Variants in TMPRSS6 observed in about 807,000 individuals in gnomAD.
TMPRSS6 encodes transmembrane serine protease 6, also known as transmembrane protease serine 6.
In TMPRSS6, 67 loss-of-function variants were observed where a neutral mutation model predicts 101.5. The ratio of observed to expected loss-of-function variants is 0.66; its 90% CI spans 0.54 to 0.81. The LOEUF (loss-of-function observed/expected upper bound fraction) is 0.81. TMPRSS6 is among the 30% of genes least tolerant of loss of function. TMPRSS6 has a pLI of 0.00. For missense variants in TMPRSS6, 1,034 were observed against 1,088.7 expected, an observed-to-expected ratio of 0.95 and a Z score of 0.71; for synonymous variants, 453 against 464.9, an observed-to-expected ratio of 0.97 and a Z score of 0.33.
intron 10 of TMPRSS6, among the ~76,000 whole-genome samples, chr22:37,077,348 C>T (rs973902694): frequency 7.9e-5 from 12 of 152,192 alleles, no homozygotes; most frequent in African/African-American, 2.7e-4. Flanking sequence ...CCCTACATGC[C>T]CCATGTCCTC....
upstream of TMPRSS6, among the ~76,000 whole-genome samples, chr22:37,110,478 C>T (rs11912291): frequency 6.2e-3 from 946 of 152,218 alleles, 9 homozygotes; most frequent in African/African-American, 0.022. Context: ...GCTGTGCTGT[C>T]CATGACGGTA....
intron 13 of TMPRSS6, among the ~76,000 whole-genome samples, chr22:37,071,882 GTGGATGGGTGGA>G (rs1037518690): frequency 5.3e-4 from 81 of 152,288 alleles, no homozygotes; most frequent in Middle Eastern, 3.4e-3. Context: ...AGGGAGATCA[GTGGATGGGTGGA>G]TGGATGGGTG....
intron 1 of TMPRSS6, among the ~76,000 whole-genome samples, chr22:37,104,962 G>GAAA (rs57543962): frequency 0.19 from 27,303 of 143,080 alleles, 2,643 homozygotes; most frequent in African/African-American, 0.22. Flanking sequence ...CTCTGCTTGA[G>GAAA]AAAAAAAAAA....
intron 10 of TMPRSS6, among the ~76,000 whole-genome samples, chr22:37,079,252 G>C (rs961965585): frequency 2.0e-5 from 3 of 152,238 alleles, no homozygotes; most frequent in African/African-American, 4.8e-5. Context: ...ATGCCTGCCA[G>C]TTCATCTTGG....
At position 37,069,079 on chromosome 22, in the gene TMPRSS6, C is replaced by T; in HGVS notation, c.2107G>A (p.Glu703Lys). The T allele has an allele frequency of 1.9e-6, 3 of 1,542,520 alleles. No individual in the cohort carries two copies. Among genetic ancestry groups the T allele is most frequent in the Non-Finnish European group, 2.6e-6 (3 of 1,149,154 alleles). ...GCAAGTCCCCGCTGCTCACCGCCCT[C>T]GCGCAAGGCGCCCCAGCCCGTAATC... is the stretch of plus-strand genomic sequence containing the variant. ...CWITGWGALR[E>K]GGPISNALQK... The change falls in exon 16 of 18, where the codon GAG becomes AAG. Residue 703 changes from glutamate (E) to lysine (K), a missense_variant. Glu to Lys is a moderately conservative substitution (Grantham distance 56). Coordinates refer to ENST00000676104, the MANE Select transcript of TMPRSS6 (RefSeq NM_001374504.1). The surrounding 1 kb of genome is among the most constrained non-coding windows in gnomAD (Gnocchi z 4.8).
At position 37,075,158 on chromosome 22, in the gene TMPRSS6, T is replaced by G; in HGVS notation, c.1319A>C (p.Tyr440Ser). 1 of 1,613,996 alleles carries G rather than the reference T, an allele frequency of 6.2e-7. No individual in the cohort carries two copies. The highest frequency in any genetic ancestry group is 8.5e-7 in the Non-Finnish European group (1 of 1,180,012). Residue 440 changes from tyrosine (Y) to serine (S), a missense_variant, in exon 11 of 18, where the codon TAT becomes TCT. Coordinates refer to ENST00000676104, the MANE Select transcript of TMPRSS6 (RefSeq NM_001374504.1). ...ACGGTCCGACTGGTTGTACAAGCCA[T>G]AGTGCACCCGCACACCGGGCCCGGT... is the stretch of plus-strand genomic sequence containing the variant. The part of the protein sequence containing the change: ...SLTGPGVRVH[Y>S]GLYNQSDPCP...
At chr22:37,083,900 C>A (rs548871793) in intron 10 of TMPRSS6, 27 of 468,432 alleles carry the variant, frequency 5.8e-5, no homozygotes, top group African/African-American at 5.2e-4. Context: ...TCTGATGGTA[C>A]GCCTTGGGTT....
chr22:37,096,009 CA>C lies in TMPRSS6; in HGVS notation c.485del (p.Val162GlyfsTer32), dbSNP rs781062619. On this transcript the variant is annotated frameshift_variant, in exon 5 of 18. Transcript: ENST00000676104. LOFTEE classifies it high-confidence loss of function. ...HRRLMLSPEV[V>X]QALLVEELLS... ...GCAGCTCCTCCACCAGCAGTGCCTG[CA>C]CCACCTCGGGGCTCAGCATCAGCCG... 1 of 1,614,232 alleles carries C rather than the reference CA, an allele frequency of 6.2e-7. No homozygotes were observed. The highest frequency in any genetic ancestry group is 1.1e-5 in the South Asian group (1 of 91,090).
At position 37,065,951 on chromosome 22, in the gene TMPRSS6, C is replaced by G. The variant is rs1305775456; in HGVS notation, c.*129G>C. The G allele has an allele frequency of 4.9e-6, 6 of 1,231,654 alleles. No individual in the cohort carries two copies. The highest frequency in any genetic ancestry group is 1.5e-5 in the African/African-American group (1 of 67,256). The allele number at this position is 1,231,654 out of a possible 1,614,324, so 76.3% of individuals were successfully genotyped here. A position where few individuals can be genotyped will look rare whatever the true frequency, so the allele number is the denominator to read the frequency against. ...CAGACATCAGGGACGAGACAAGATG[C>G]CACCTCCTGCCACCACAGGGCCTGC... is the stretch of plus-strand genomic sequence containing the variant. On this transcript the variant is annotated 3_prime_UTR_variant, in exon 18 of 18. Transcript: ENST00000676104.
chr22:37,084,030 A>G (rs1287624614), intron 10 of TMPRSS6: 11 of 574,348 alleles, frequency 1.9e-5, no homozygotes, highest in Non-Finnish European at 3.5e-5. Context: ...TGCTGTAATT[A>G]GAATAAACAT....
At chr22:37,109,118 G>A (rs1021244525) in intron 1 of TMPRSS6, among the ~76,000 whole-genome samples, 11 of 152,092 alleles carry the variant, frequency 7.2e-5, no homozygotes, top group Non-Finnish European at 1.5e-4. Flanking sequence ...GTGGGGCTCC[G>A]GGCCTGTCTC....
chr22:37,101,139 G>A lies in TMPRSS6; in HGVS notation c.202+2077C>T, dbSNP rs1196580348. 6.6e-6 allele frequency among the ~76,000 whole-genome samples: 1 copy of A among 152,088 alleles called. No homozygotes were observed. The highest frequency in any genetic ancestry group is 2.4e-5 in the African/African-American group (1 of 41,418). ...GCACCCCAAGGGACACTGGGGGAGA[G>A]AGGGCATCCTTGCTGGTGCTGGGCC... On this transcript the variant is annotated intron_variant, in intron 2 of 17. Coordinates refer to ENST00000676104, the MANE Select transcript of TMPRSS6 (RefSeq NM_001374504.1). This position sits in a 1 kb window ranked among gnomAD's most constrained non-coding sequence, Gnocchi z 4.1.
chr22:37,086,269 C>A lies in TMPRSS6; in HGVS notation c.973+14G>T. ...ACCACCCCTCCCCTGCCCCAGGGAC[C>A]CCTGACCTCTCACCCTGGAAGACCA... On this transcript the variant is annotated intron_variant, in intron 8 of 17. Coordinates refer to ENST00000676104, the MANE Select transcript of TMPRSS6 (RefSeq NM_001374504.1). 4 of 1,614,100 alleles carry A rather than the reference C, an allele frequency of 2.5e-6. No homozygotes were observed. Among genetic ancestry groups the A allele is most frequent in the Non-Finnish European group, 3.4e-6 (4 of 1,179,982 alleles).
intron 10 of TMPRSS6, among the ~76,000 whole-genome samples, chr22:37,083,301 C>T (rs1928408731): frequency 6.6e-6 from 1 of 152,164 alleles, no homozygotes; most frequent in Non-Finnish European, 1.5e-5. Context: ...TTCCTCTTCT[C>T]TCTCCCCAAA....
At position 37,092,377 on chromosome 22, in the gene TMPRSS6, C is replaced by T. The variant is rs181405642; in HGVS notation, c.632-2595G>A. On this transcript the variant is annotated intron_variant, in intron 6 of 17. Transcript: ENST00000676104. ...AGACAGCCTGTCACTCAGGCTGGAG[C>T]GCAGTGATGCGATCACAACAGCTCA... is the stretch of plus-strand genomic sequence containing the variant. Among the ~76,000 whole-genome samples, 531 of 152,210 alleles carry T rather than the reference C, an allele frequency of 3.5e-3. 1 individual carries two copies. The highest frequency in any genetic ancestry group is 0.012 in the African/African-American group (508 of 41,522).
intron 5 of TMPRSS6, 48 bp from the exon 6 acceptor site, chr22:37,095,640 A>G (rs546949013): frequency 6.4e-5 from 98 of 1,529,652 alleles, no homozygotes; most frequent in Middle Eastern, 3.4e-4. Context: ...AAAAAAAAAA[A>G]AAAAGAAAAG....
At chr22:37,096,528 C>T in intron 4 of TMPRSS6, 120 bp downstream of exon 4, 1 of 1,156,660 alleles carries the variant, frequency 8.6e-7, no homozygotes, top group Non-Finnish European at 1.3e-6. Flanking sequence ...AGTTCCCTCT[C>T]TATGCCTTAG....
intron 13 of TMPRSS6, among the ~76,000 whole-genome samples, chr22:37,073,160 G>GTGGATGGATGGATGGA (rs375343726): frequency 2.7e-4 from 38 of 138,266 alleles, no homozygotes; most frequent in African/African-American, 1.1e-3. Context: ...AGATGGGTGG[G>GTGGATGGATGGATGGA]TGGATGGATG....
intron 12 of TMPRSS6, among the ~76,000 whole-genome samples, 163 bp downstream of exon 12, chr22:37,074,447 G>A (rs879901571): frequency 1.6e-4 from 24 of 152,186 alleles, no homozygotes; most frequent in Non-Finnish European, 3.4e-4. Flanking sequence ...TTGCTGGTCT[G>A]TCTCATTTTG....
Sources: gnomAD v4.1 joint callset for allele counts (sites outside exome capture counted in the v4.1 genomes callset) on GRCh38, gnomAD v4.1.1 for gene constraint, Gnocchi (gnomAD v3.1) non-coding constraint, MANE v1.5 for transcripts, NCBI Gene and HGNC (gene_info 2026-07-23, HGNC 2026-07-21) for gene names.